Variants in CERS4 observed in about 807,000 individuals in gnomAD.
The protein encoded by CERS4 is LAG1 homolog, ceramide synthase 4.
Under a neutral mutation model 51.8 loss-of-function variants are expected in CERS4, and 65 were observed. The observed-to-expected ratio is 1.26, with a 90% CI of 1.03 to 1.54. The LOEUF (loss-of-function observed/expected upper bound fraction) is 1.54, where lower values mean the gene tolerates loss of function less well. CERS4 is among the 40% of genes most tolerant of loss of function. The pLI is 0.00. For missense variants in CERS4, 563 were observed against 500.4 expected (o/e 1.13, Z -1.19); for synonymous variants, 228 against 208.4 (o/e 1.09, Z -0.81).
chr19:8,216,294 A>G (rs575073420), intron 2 of CERS4, among the ~76,000 whole-genome samples: 2 of 151,700 alleles, frequency 1.3e-5, no homozygotes, highest in South Asian at 2.1e-4. Context: ...CAGGAGAATC[A>G]CTTGAACCTG....
chr19:8,244,353 C>T (rs2145258910), intron 2 of CERS4, among the ~76,000 whole-genome samples: 1 of 152,312 alleles, frequency 6.6e-6, no homozygotes, highest in East Asian at 1.9e-4. Flanking sequence ...GAGAGATTGC[C>T]TCCCTGCAGA....
intron 4 of CERS4, 110 bp downstream of exon 4, chr19:8,254,726 C>A (rs1233060115): frequency 3.2e-5 from 28 of 871,904 alleles, no homozygotes; most frequent in Middle Eastern, 3.3e-4. Flanking sequence ...GCTGCAGGCA[C>A]CCCTGCAATG....
At position 8,255,896 on chromosome 19, in the gene CERS4, ATAGC is replaced by A. The variant is rs1969353959; in HGVS notation, c.468+19_468+22del. The stretch of plus-strand genomic sequence containing the variant: ...CTGTACCACGTGAGTATACCAGAGT[ATAGC>A]TGACTGCTCACCTGCCCCATCCACC... On this transcript the variant is annotated intron_variant, in intron 6 of 11. Transcript: ENST00000251363. 6.2e-7 allele frequency: 1 copy of A among 1,613,318 alleles called. No individual in the cohort carries two copies.
chr19:8,226,887 G>C (rs995169779), intron 2 of CERS4, among the ~76,000 whole-genome samples: 2 of 152,162 alleles, frequency 1.3e-5, no homozygotes, highest in Admixed American at 6.6e-5. Context: ...CCAGCACTTT[G>C]GGAGGCCGAG....
chr19:8,234,490 T>G (rs1235462640), intron 2 of CERS4, among the ~76,000 whole-genome samples: 2 of 151,376 alleles, frequency 1.3e-5, no homozygotes, highest in Non-Finnish European at 2.9e-5. Flanking sequence ...TGCTGTACTT[T>G]ACCCATTCAA....
At chr19:8,258,136 G>C (rs1969495303) in intron 10 of CERS4, 151 bp downstream of exon 10, 2 of 684,894 alleles carry the variant, frequency 2.9e-6, no homozygotes, top group Admixed American at 4.6e-5. Context: ...CCAGGCACAG[G>C]GCACGGCATA....
At chr19:8,222,750 G>T (rs927603970) in intron 2 of CERS4, among the ~76,000 whole-genome samples, 6 of 151,710 alleles carry the variant, frequency 4.0e-5, no homozygotes, top group African/African-American at 1.5e-4. Context: ...CACCCGCCTC[G>T]GCCTCCCAAA....
intron 9 of CERS4, 52 bp from the exon 10 acceptor site, chr19:8,257,825 CTT>C: frequency 7.0e-7 from 1 of 1,425,630 alleles, no homozygotes; most frequent in Non-Finnish European, 9.9e-7. Context: ...AGCACCTTCT[CTT>C]TGAGACCAGG....
chr19:8,241,241 C>A (rs1252337033), intron 2 of CERS4: 1 of 152,286 alleles, frequency 6.6e-6, no homozygotes, highest in Non-Finnish European at 1.5e-5. Context: ...TAGGCCAGCA[C>A]CCCTTCTTTC....
intron 2 of CERS4, among the ~76,000 whole-genome samples, chr19:8,213,550 C>T (rs1967165449): frequency 6.6e-6 from 1 of 152,166 alleles, no homozygotes; most frequent in Non-Finnish European, 1.5e-5. Context: ...TCAAGCGAGC[C>T]TCCAGCCTCA....
chr19:8,214,634 C>G (rs2145157769), intron 2 of CERS4: 1 of 152,476 alleles, frequency 6.6e-6, no homozygotes, highest in African/African-American at 2.4e-5. Flanking sequence ...CTCAAGGGGA[C>G]TTGAGGAGTG....
intron 2 of CERS4, among the ~76,000 whole-genome samples, chr19:8,226,201 TA>T (rs1314247669): frequency 1.3e-5 from 2 of 151,026 alleles, no homozygotes; most frequent in East Asian, 1.9e-4. Flanking sequence ...GACTCTGTCT[TA>T]AAAAAAAAGA....
intron 10 of CERS4, among the ~76,000 whole-genome samples, chr19:8,259,050 C>T (rs556971920): frequency 1.5e-4 from 23 of 152,222 alleles, no homozygotes; most frequent in African/African-American, 4.1e-4. Context: ...AGGAGAATCA[C>T]TTGAACCCAG....
intron 10 of CERS4, chr19:8,261,439 C>G (rs1326797049): frequency 1.9e-6 from 1 of 528,522 alleles, no homozygotes; most frequent in Non-Finnish European, 3.4e-6. Flanking sequence ...TCATAAGTAC[C>G]CGCTTGGGTG....
chr19:8,238,837 G>A (rs1421662250), intron 2 of CERS4, among the ~76,000 whole-genome samples: 1 of 152,092 alleles, frequency 6.6e-6, no homozygotes, highest in Non-Finnish European at 1.5e-5. Context: ...GGTGGCTTGT[G>A]TCGGTAATCC....
intron 2 of CERS4, among the ~76,000 whole-genome samples, chr19:8,245,223 T>A (rs911563279): frequency 1.3e-5 from 2 of 151,628 alleles, no homozygotes; most frequent in African/African-American, 4.8e-5. Flanking sequence ...GTCTATTTTT[T>A]ATTTTATTTA....
At chr19:8,241,654 T>C (rs1434871173) in intron 2 of CERS4, among the ~76,000 whole-genome samples, 1 of 152,066 alleles carries the variant, frequency 6.6e-6, no homozygotes, top group Non-Finnish European at 1.5e-5. Context: ...CCACTCCATG[T>C]GGAAGAGGGG....
intron 2 of CERS4, among the ~76,000 whole-genome samples, chr19:8,250,063 C>T (rs909705706): frequency 2.0e-5 from 3 of 151,972 alleles, no homozygotes; most frequent in Non-Finnish European, 4.4e-5. Flanking sequence ...CAACCTCCTC[C>T]TCCCGGGTTC....
chr19:8,261,387 A>C, intron 10 of CERS4: 1 of 393,146 alleles, frequency 2.5e-6, no homozygotes, highest in East Asian at 4.9e-5. Flanking sequence ...TCTGAGGAGT[A>C]GAGAGAAGCT....
Sources: gnomAD v4.1 joint callset for allele counts (sites outside exome capture counted in the v4.1 genomes callset) on GRCh38, gnomAD v4.1.1 for gene constraint, MANE v1.5 for transcripts, NCBI Gene and HGNC (gene_info 2026-07-23, HGNC 2026-07-21) for gene names.